The following PLCH1 variants were observed in gnomAD, a reference collection of about 807,000 sequenced individuals.
The protein encoded by PLCH1 is phospholipase C eta 1.
A neutral mutation model predicts 126.7 loss-of-function variants in PLCH1; 60 were observed. The ratio of observed to expected loss-of-function variants is 0.47; its 90% CI spans 0.38 to 0.59. PLCH1 has a LOEUF of 0.59. Among genes scored for constraint, PLCH1 ranks in the 20% least tolerant of loss-of-function variants. The pLI, the probability that PLCH1 is intolerant of heterozygous loss-of-function variation, is 0.00. For synonymous variants in PLCH1, 719 were observed against 734.9 expected, an observed-to-expected ratio of 0.98 and a Z score of 0.35; for missense variants, 1,723 against 2,040.0, an observed-to-expected ratio of 0.84 and a Z score of 2.99.
At chr3:155,743,622 C>A (rs1749779071) in intron 1 of PLCH1, 2 of 412,698 alleles carry the variant, frequency 4.8e-6, no homozygotes, top group South Asian at 1.7e-5. Context: ...AAGACTTTAA[C>A]CCCAAAGGTG....
chr3:155,566,375 A>G (rs991739418), intron 7 of PLCH1, among the ~76,000 whole-genome samples: 1 of 145,402 alleles, frequency 6.9e-6, no homozygotes, highest in Admixed American at 7.0e-5. Flanking sequence ...ACATATATAT[A>G]TGTGTGTATA....
At chr3:155,511,772 A>T (rs1288691841) in intron 12 of PLCH1, among the ~76,000 whole-genome samples, 1 of 149,196 alleles carries the variant, frequency 6.7e-6, no homozygotes, top group Non-Finnish European at 1.5e-5. Context: ...AGACAGGGAC[A>T]CTTAAGTCTG....
chr3:155,511,954 A>G lies in PLCH1; in HGVS notation c.1632+2769T>C, dbSNP rs1043625130. The stretch of plus-strand genomic sequence containing the variant: ...TGGCGGGCGCCCCTCCCCCAGCCTC[A>G]TTGCCGCCTTGCAGTTTGATCTCAG... On this transcript the variant is annotated intron_variant, in intron 12 of 22. Transcript: ENST00000460012. 4.5e-4 allele frequency among the ~76,000 whole-genome samples: 68 copies of G among 151,966 alleles called. 1 individual carries two copies. Among genetic ancestry groups the G allele is most frequent in the African/African-American group, 1.2e-3 (49 of 41,446 alleles).
In PLCH1 at chr3:155,635,820, G is replaced by T. The variant is rs946571829; in HGVS notation, c.80-39442C>A. 2.0e-5 allele frequency among the ~76,000 whole-genome samples: 3 copies of T among 152,212 alleles called. No homozygotes were observed. In the East Asian group the frequency reaches 5.8e-4, roughly 29 times the overall value. Reference sequence around the variant, plus strand: ...TTAAAATATCATATATGCTTTGAATGATTGCAAATTACTGTTTAGATACTT... The same window carrying T: ...TTAAAATATCATATATGCTTTGAATTATTGCAAATTACTGTTTAGATACTT... On this transcript the variant is annotated intron_variant, in intron 2 of 22. Coordinates refer to ENST00000460012, the MANE Select transcript of PLCH1 (RefSeq NM_014996.4).
intron 1 of PLCH1, among the ~76,000 whole-genome samples, chr3:155,705,894 G>A (rs1746617072): frequency 6.6e-6 from 1 of 152,190 alleles, no homozygotes; most frequent in African/African-American, 2.4e-5. Context: ...ATACAATCTG[G>A]GCTGCGCGCA....
At chr3:155,574,619 G>C (rs567721435) in intron 6 of PLCH1, among the ~76,000 whole-genome samples, 1 of 152,246 alleles carries the variant, frequency 6.6e-6, no homozygotes, top group African/African-American at 2.4e-5. Context: ...CTAAATGAAT[G>C]GTCAGTTCAT....
chr3:155,681,124 A>G (rs1443506778), intron 2 of PLCH1, among the ~76,000 whole-genome samples: 1 of 152,174 alleles, frequency 6.6e-6, no homozygotes, highest in East Asian at 1.9e-4. Flanking sequence ...TTTCTTCTTT[A>G]TATGTTACTA....
chr3:155,583,940 A>G lies in PLCH1; in HGVS notation c.601-298T>C, dbSNP rs1731041727. Among the ~76,000 whole-genome samples, 3 of 151,894 alleles carry G rather than the reference A, an allele frequency of 2.0e-5. No homozygotes were observed. The South Asian group carries it at 6.2e-4, about 31-fold the overall frequency. On this transcript the variant is annotated intron_variant, in intron 5 of 22. Transcript: ENST00000460012. ...AAAAAAAAAAAAACCTGTAGAAACA[A>G]TACAATTCTAGATAGGAAATAAAAC...
At chr3:155,486,283 G>C in intron 21 of PLCH1, 1 of 846,670 alleles carries the variant, frequency 1.2e-6, no homozygotes, top group South Asian at 1.6e-5. Context: ...AAACACAAAA[G>C]AAAAAATGCA....
intron 21 of PLCH1, among the ~76,000 whole-genome samples, chr3:155,464,916 C>T (rs1712871000): frequency 6.6e-6 from 1 of 152,142 alleles, no homozygotes; most frequent in African/African-American, 2.4e-5. Flanking sequence ...CGAGACCATA[C>T]TGGCTAACAC....
chr3:155,718,809 A>G lies in PLCH1; in HGVS notation c.-40-14545T>C, dbSNP rs78992264. On this transcript the variant is annotated intron_variant, in intron 1 of 22. Transcript: ENST00000460012. ...ATTCAACATTATATTTGGCAGGAAC[A>G]TATATTCAAACTATATCATCTTGTA... Among the ~76,000 whole-genome samples, 25 of 152,322 alleles carry G rather than the reference A, an allele frequency of 1.6e-4. No individual in the cohort carries two copies. The East Asian group carries it at 4.1e-3, about 25-fold the overall frequency.
At chr3:155,562,429 G>C (rs550931275) in intron 8 of PLCH1, among the ~76,000 whole-genome samples, 34 of 152,222 alleles carry the variant, frequency 2.2e-4, no homozygotes, top group Non-Finnish European at 4.3e-4. Context: ...GAACCATGGA[G>C]CCCCTGTCAG....
intron 2 of PLCH1, among the ~76,000 whole-genome samples, chr3:155,662,991 CT>C (rs1174157687): frequency 6.6e-6 from 1 of 152,140 alleles, no homozygotes; most frequent in Admixed American, 6.5e-5. Context: ...TACCTTTCTT[CT>C]TTTTTGGCTA....
At chr3:155,451,177 A>G (rs1199822093) in intron 21 of PLCH1, among the ~76,000 whole-genome samples, 2 of 152,196 alleles carry the variant, frequency 1.3e-5, no homozygotes, top group African/African-American at 2.4e-5. Context: ...ATTAATAAAT[A>G]TAGAAGAAAT....
intron 1 of PLCH1, among the ~76,000 whole-genome samples, chr3:155,711,014 C>T (rs1447538217): frequency 1.4e-5 from 2 of 139,382 alleles, no homozygotes; most frequent in African/African-American, 5.3e-5. Flanking sequence ...TATAAGTCTA[C>T]TTCTTTTGCT....
chr3:155,582,717 C>T (rs962201928), intron 6 of PLCH1, among the ~76,000 whole-genome samples: 1 of 152,030 alleles, frequency 6.6e-6, no homozygotes, highest in Non-Finnish European at 1.5e-5. Context: ...ATCAACTGCA[C>T]AAAACCAAAG....
chr3:155,517,926 A>C (rs1250722127), intron 11 of PLCH1, among the ~76,000 whole-genome samples: 1 of 152,216 alleles, frequency 6.6e-6, no homozygotes, highest in African/African-American at 2.4e-5. Flanking sequence ...GGAAATACAG[A>C]AAAAGCAACT....
At chr3:155,582,435 A>T (rs931109490) in intron 6 of PLCH1, among the ~76,000 whole-genome samples, 2 of 152,146 alleles carry the variant, frequency 1.3e-5, no homozygotes, top group Non-Finnish European at 2.9e-5. Context: ...TGTATACTTT[A>T]AAAATGGTGA....
chr3:155,661,229 T>A (rs1172839212), intron 2 of PLCH1, among the ~76,000 whole-genome samples: 1 of 152,192 alleles, frequency 6.6e-6, no homozygotes, highest in African/African-American at 2.4e-5. Context: ...AAGGGTTCTG[T>A]GCTCAGACCA....
Sources: gnomAD v4.1 joint callset for allele counts (sites outside exome capture counted in the v4.1 genomes callset) on GRCh38, gnomAD v4.1.1 for gene constraint, MANE v1.5 for transcripts, NCBI Gene and HGNC (gene_info 2026-07-23, HGNC 2026-07-21) for gene names.